The following DOCK3 variants were observed in gnomAD, a reference collection of about 807,000 sequenced individuals.
DOCK3 encodes the protein dedicator of cytokinesis 3, also known as dedicator of cytokinesis protein 3.
DOCK3 carries 60 observed loss-of-function variants against 265.6 expected under a neutral mutation model. The ratio of observed to expected loss-of-function variants is 0.23; its 90% CI spans 0.18 to 0.28. The LOEUF (loss-of-function observed/expected upper bound fraction) is 0.28, where lower values mean the gene tolerates loss of function less well. Ranked by LOEUF, DOCK3 falls within the 10% of genes least tolerant of loss-of-function variation. DOCK3 has a pLI of 1.00. For missense variants in DOCK3, 1,981 were observed against 2,594.3 expected (o/e 0.76, Z 5.14); for synonymous variants, 881 against 938.0 (o/e 0.94, Z 1.11).
At chr3:50,884,423 A>G (rs960130738) in intron 3 of DOCK3, among the ~76,000 whole-genome samples, 28 of 152,182 alleles carry the variant, frequency 1.8e-4, no homozygotes, top group Admixed American at 5.2e-4. Context: ...TGAACAGCTC[A>G]TTTATTTATC....
intron 2 of DOCK3, among the ~76,000 whole-genome samples, chr3:50,831,232 ATTTTT>A (rs1249437959): frequency 7.1e-6 from 1 of 140,442 alleles, no homozygotes; most frequent in Non-Finnish European, 1.6e-5. Context: ...TTTATTTTTA[ATTTTT>A]TTTATTTTTT....
chr3:50,789,934 A>G (rs2042377766), intron 2 of DOCK3, among the ~76,000 whole-genome samples: 1 of 152,188 alleles, frequency 6.6e-6, no homozygotes, highest in Non-Finnish European at 1.5e-5. Flanking sequence ...GGGTTTCGCC[A>G]TATTGGCCAG....
intron 5 of DOCK3, among the ~76,000 whole-genome samples, chr3:51,000,106 G>A (rs2078423099): frequency 1.3e-5 from 2 of 152,090 alleles, no homozygotes; most frequent in Admixed American, 1.3e-4. Flanking sequence ...GTATACCTAG[G>A]TGCTTTTAAA....
At chr3:51,154,064 C>T (rs987229095) in intron 10 of DOCK3, among the ~76,000 whole-genome samples, 2 of 152,188 alleles carry the variant, frequency 1.3e-5, no homozygotes, top group South Asian at 2.1e-4. Context: ...CTCTTAAATG[C>T]AAATGGGATT....
intron 27 of DOCK3, among the ~76,000 whole-genome samples, chr3:51,294,081 A>G (rs568479339): frequency 6.6e-6 from 1 of 152,352 alleles, no homozygotes; most frequent in African/African-American, 2.4e-5. Flanking sequence ...CAACAATTCC[A>G]CTTCTGGGTA....
At position 51,382,785 on chromosome 3, in the gene DOCK3, C is replaced by G. The variant is rs964221075; in HGVS notation, c.*1226C>G. 1 of 152,370 alleles carries G rather than the reference C, an allele frequency of 6.6e-6. No individual in the cohort carries two copies. Among genetic ancestry groups the G allele is most frequent in the Non-Finnish European group, 1.5e-5 (1 of 68,032 alleles). The allele number at this position is 152,370 out of a possible 1,614,324, so 9.4% of individuals were successfully genotyped here. ...CAGGAGGGTAGTTTCTCCAGTCTCC[C>G]CAGTCTGTTGGTGTCTTTATAGGAA... is the stretch of plus-strand genomic sequence containing the variant. On this transcript the variant is annotated 3_prime_UTR_variant, in exon 53 of 53. Transcript: ENST00000266037.
At chr3:50,995,051 CAA>C (rs949975534) in intron 5 of DOCK3, among the ~76,000 whole-genome samples, 1 of 152,138 alleles carries the variant, frequency 6.6e-6, no homozygotes, top group African/African-American at 2.4e-5. Flanking sequence ...ATATTTATCT[CAA>C]TATTCATATT....
chr3:51,263,799 C>A (rs1007160610), intron 23 of DOCK3, among the ~76,000 whole-genome samples: 1 of 152,092 alleles, frequency 6.6e-6, no homozygotes, highest in Non-Finnish European at 1.5e-5. Flanking sequence ...GACTTTAAAC[C>A]AACAAAGATC....
chr3:51,013,193 G>A (rs1373840366), intron 5 of DOCK3, among the ~76,000 whole-genome samples: 1 of 152,144 alleles, frequency 6.6e-6, no homozygotes, highest in Non-Finnish European at 1.5e-5. Context: ...GTTCTGATGT[G>A]GCAAGGAGCT....
intron 1 of DOCK3, among the ~76,000 whole-genome samples, chr3:50,702,684 C>T (rs932184016): frequency 6.6e-6 from 1 of 151,756 alleles, no homozygotes; most frequent in Non-Finnish European, 1.5e-5. Flanking sequence ...GTTGTATGTT[C>T]GTTTTGTATC....
intron 3 of DOCK3, among the ~76,000 whole-genome samples, chr3:50,845,159 GTTGC>G (rs1421078471): frequency 6.6e-6 from 1 of 152,036 alleles, no homozygotes; most frequent in Non-Finnish European, 1.5e-5. Flanking sequence ...GGAGATGGGG[GTTGC>G]AGTGAGCCGA....
At position 51,315,122 on chromosome 3, in the gene DOCK3, C is replaced by T. The variant is rs371661077; in HGVS notation, c.3396C>T (p.Phe1132=). ...MDWEQRKNGN[F]KQVEAELIDK... is the part of the protein sequence containing the mutation. ...GGGAGCAGAGAAAAAATGGCAACTT[C>T]AAACAGGTAAGACACCTGGCAGTGT... The change falls in exon 32 of 53, where the codon TTC becomes TTT. Residue 1132 remains phenylalanine, a synonymous_variant. Coordinates refer to ENST00000266037, the MANE Select transcript of DOCK3 (RefSeq NM_004947.5). 1 of 1,608,366 alleles carries T rather than the reference C, an allele frequency of 6.2e-7. No homozygotes were observed. Among genetic ancestry groups the T allele is most frequent in the Non-Finnish European group, 8.5e-7 (1 of 1,176,550 alleles).
chr3:51,243,146 G>A (rs997677579), intron 21 of DOCK3, among the ~76,000 whole-genome samples: 8 of 152,184 alleles, frequency 5.3e-5, no homozygotes, highest in African/African-American at 1.9e-4. Flanking sequence ...AGTTCCCCTA[G>A]GACTGAAGTC....
intron 1 of DOCK3, chr3:50,719,800 A>G: frequency 1.2e-6 from 1 of 821,282 alleles, no homozygotes; most frequent in South Asian, 1.3e-5. Context: ...TGACACATAA[A>G]CTCTGGAATA....
chr3:50,760,151 A>T (rs549272727), intron 1 of DOCK3, among the ~76,000 whole-genome samples: 174 of 151,660 alleles, frequency 1.1e-3, no homozygotes, highest in African/African-American at 4.1e-3. Context: ...TAAGTCTTTG[A>T]GCCATTTTTA....
chr3:50,892,903 G>A (rs2048707235), intron 4 of DOCK3, among the ~76,000 whole-genome samples: 1 of 152,004 alleles, frequency 6.6e-6, no homozygotes, highest in Non-Finnish European at 1.5e-5. Flanking sequence ...CCCTCAGAAG[G>A]GAAAGGAAGA....
At chr3:51,296,357 T>C (rs1272099491) in intron 27 of DOCK3, among the ~76,000 whole-genome samples, 1 of 152,144 alleles carries the variant, frequency 6.6e-6, no homozygotes, top group Non-Finnish European at 1.5e-5. Context: ...ATTGAAAGAT[T>C]CACAGTTCCC....
At chr3:50,712,669 C>G (rs1385612995) in intron 1 of DOCK3, among the ~76,000 whole-genome samples, 1 of 152,222 alleles carries the variant, frequency 6.6e-6, no homozygotes, top group Non-Finnish European at 1.5e-5. Flanking sequence ...GTGGTAGTCT[C>G]ATTTTTATTC....
Position 50,934,117 on chromosome 3 carries a change from T to C in DOCK3, c.315+40T>C, listed in dbSNP as rs771940577. 1.4e-5 allele frequency: 19 copies of C among 1,393,832 alleles called. 1 individual carries two copies. In the Admixed American group the frequency reaches 2.5e-4, roughly 18 times the overall value. 86.3% of individuals were successfully genotyped at this position (1,393,832 alleles called of 1,614,324 possible). On this transcript the variant is annotated intron_variant, in intron 5 of 52. Transcript: ENST00000266037. The stretch of plus-strand genomic sequence containing the variant: ...ACTGGTTTATTGGATCATTAAAGTT[T>C]AGTGTACCAAGTAAAAATATTAAAC...
Sources: gnomAD v4.1 joint callset for allele counts (sites outside exome capture counted in the v4.1 genomes callset) on GRCh38, gnomAD v4.1.1 for gene constraint, MANE v1.5 for transcripts, NCBI Gene and HGNC (gene_info 2026-07-23, HGNC 2026-07-21) for gene names.